The following NUMA1 variants were observed in gnomAD, a reference collection of about 807,000 sequenced individuals.
NUMA1 encodes the protein nuclear mitotic apparatus protein 1.
A neutral mutation model predicts 237.1 loss-of-function variants in NUMA1; 62 were observed. The ratio of observed to expected loss-of-function variants is 0.26; its 90% confidence interval spans 0.21 to 0.32. The LOEUF (loss-of-function observed/expected upper bound fraction) is 0.32, where lower values mean the gene tolerates loss of function less well. Ranked by LOEUF, NUMA1 falls within the 10% of genes least tolerant of loss-of-function variation. The probability of loss-of-function intolerance (pLI) is 1.00; values close to 1 mark genes in which losing one functional copy is unlikely to be tolerated. For synonymous variants in NUMA1, 1,028 were observed against 1,066.1 expected, an observed-to-expected ratio of 0.96 and a Z score of 0.70; for missense variants, 2,533 against 2,666.5, an observed-to-expected ratio of 0.95 and a Z score of 1.10.
intron 8 of NUMA1, chr11:72,020,881 T>A (rs1255948773): frequency 4.2e-5 from 8 of 191,132 alleles, no homozygotes; most frequent in Admixed American, 5.9e-5. Flanking sequence ...CAAAAAAAAA[T>A]AAAAATAAAA....
intron 6 of NUMA1, 134 bp downstream of exon 6, chr11:72,022,927 TCTAC>T (rs1304226855): frequency 1.6e-6 from 1 of 639,086 alleles, no homozygotes; most frequent in African/African-American, 1.8e-5. Flanking sequence ...GCTGCCTGGT[TCTAC>T]CTCCAACGTA....
intron 1 of NUMA1, among the ~76,000 whole-genome samples, chr11:72,079,959 T>C (rs897828082): frequency 1.3e-5 from 2 of 152,070 alleles, no homozygotes; most frequent in African/African-American, 4.8e-5. Context: ...AACCTCGCAC[T>C]GGCTACGTAA....
In NUMA1 at chr11:72,006,247, T is replaced by A. The variant is rs1431099273; in HGVS notation, c.5480A>T (p.Glu1827Val). 2.5e-6 allele frequency: 4 copies of A among 1,614,000 alleles called. No homozygotes were observed. In the Admixed American group the frequency reaches 6.7e-5, roughly 27 times the overall value. The change falls in exon 22 of 27, where the codon GAG becomes GTG. Residue 1827 changes from glutamate (E) to valine (V), a missense_variant. This residue lies in a region of NUMA1 where 795 missense variants were observed against 750.8 expected (regional missense o/e 1.06). Transcript: ENST00000393695. ...GAACGATGAGTTGGCGCTGTCTGGC[T>A]CTTCCACATCTAGCTTCTGGAAGAC... Reference protein sequence around the residue: ...ITMTKKLDVEEPDSANSSFYS... With the variant: ...ITMTKKLDVEVPDSANSSFYS...
chr11:72,003,490 GGGGACACAGGTGGGGCCACTCACT>G lies in NUMA1; in HGVS notation c.*13_*36del. The stretch of plus-strand genomic sequence containing the variant: ...CGGAGGACCAGGTGAGGTCAGCATC[GGGGACACAGGTGGGGCCACTCACT>G]GGTACTGGCCCTTTAGTGCTTTGCC... On this transcript the variant is annotated 3_prime_UTR_variant, in exon 27 of 27. Transcript: ENST00000393695. 1 of 1,608,970 alleles carries G rather than the reference GGGGACACAGGTGGGGCCACTCACT, an allele frequency of 6.2e-7. No homozygotes were observed. Among genetic ancestry groups the G allele is most frequent in the Non-Finnish European group, 8.5e-7 (1 of 1,175,292 alleles).
intron 13 of NUMA1, chr11:72,016,933 T>C (rs1937878167): frequency 5.5e-6 from 1 of 182,814 alleles, no homozygotes; most frequent in Non-Finnish European, 1.1e-5. Flanking sequence ...TTCACCACTG[T>C]TCACTAAGCA....
At chr11:72,007,692 G>A in intron 20 of NUMA1, 1 of 534,012 alleles carries the variant, frequency 1.9e-6, no homozygotes, top group South Asian at 2.2e-5. Flanking sequence ...AGATGCCCAT[G>A]GCTGCTTCAC....
chr11:72,077,153 A>G (rs1386086838), intron 1 of NUMA1, among the ~76,000 whole-genome samples: 1 of 152,198 alleles, frequency 6.6e-6, no homozygotes. Flanking sequence ...AGACGACAGA[A>G]TGAGGAAGTT....
intron 2 of NUMA1, among the ~76,000 whole-genome samples, chr11:72,054,903 C>T (rs755126394): frequency 2.6e-5 from 4 of 151,814 alleles, no homozygotes; most frequent in African/African-American, 4.8e-5. Flanking sequence ...GGGTGATGTA[C>T]GCATTTGCGA....
chr11:72,012,580 G>A, intron 15 of NUMA1, 138 bp from the exon 16 acceptor site: 1 of 867,056 alleles, frequency 1.2e-6, no homozygotes, highest in Non-Finnish European at 1.8e-6. Flanking sequence ...AAAAATGCCA[G>A]TTAGGCTGAT....
chr11:72,064,216 G>A (rs1043470485), intron 2 of NUMA1, among the ~76,000 whole-genome samples: 2 of 152,052 alleles, frequency 1.3e-5, no homozygotes, highest in Non-Finnish European at 1.5e-5. Context: ...CCAGCACTTT[G>A]GAAGGCTGAG....
At position 72,013,566 on chromosome 11, in the gene NUMA1, G is replaced by C; in HGVS notation, c.3937C>G (p.Gln1313Glu). The C allele has an allele frequency of 3.1e-6, 5 of 1,613,410 alleles. No homozygotes were observed. The highest frequency in any genetic ancestry group is 4.2e-6 in the Non-Finnish European group (5 of 1,180,014). The change falls in exon 15 of 27, where the codon CAG (glutamine) becomes GAG (glutamate). Residue 1313 changes from glutamine to glutamate, a missense_variant. Physicochemically the swap from Gln to Glu is conservative, Grantham distance 29. This residue lies in a region of NUMA1 where 324 missense variants were observed against 407.6 expected (regional missense o/e 0.79). Coordinates refer to ENST00000393695, the MANE Select transcript of NUMA1 (RefSeq NM_006185.4). This position sits in a 1 kb window ranked among gnomAD's most constrained non-coding sequence, Gnocchi z 6.8. ...CGCTCAGCCTGTGAGGTCAGCTCCT[G>C]CCGCAGGTTCTCTGAAGCCACCCGC... ...KQRVASENLR[Q>E]ELTSQAERAE... is the part of the protein sequence containing the mutation.
rs1271604660 is a variant in NUMA1, at chr11:72,013,842, C to G, written c.3661G>C (p.Glu1221Gln). Residue 1221 changes from glutamate to glutamine, a missense_variant, in exon 15 of 27, where the codon GAG becomes CAG. By Grantham distance (29) the Glu-to-Gln change is conservative. Coordinates refer to ENST00000393695, the MANE Select transcript of NUMA1 (RefSeq NM_006185.4). This position sits in a 1 kb window ranked among gnomAD's most constrained non-coding sequence, Gnocchi z 6.8. ...CTGCTGATGAGGCTATTTTTCCTCT[C>G]AGCCTCTTGCCGGCCCCGGGCCACC... is the stretch of plus-strand genomic sequence containing the variant. ...AQVARGRQEA[E>Q]RKNSLISSLE... The G allele has an allele frequency of 2.5e-6, 4 of 1,612,890 alleles. No homozygotes were observed. In the East Asian group the frequency reaches 8.9e-5, roughly 36 times the overall value.
At position 72,013,468 on chromosome 11, in the gene NUMA1, G is replaced by A. The variant is rs1470441162; in HGVS notation, c.4035C>T (p.Thr1345=). ...KFFQKEQALS[T]LQLEHTSTQA... is the part of the protein sequence containing the mutation. ...GTGTGCTGGTGTGCTCGAGCTGCAG[G>A]GTGGAGAGGGCCTGCTCTTTCTGGA... Residue 1345 remains threonine, a synonymous_variant, in exon 15 of 27, where the codon ACC becomes ACT. Coordinates refer to ENST00000393695, the MANE Select transcript of NUMA1 (RefSeq NM_006185.4). This position sits in a 1 kb window ranked among gnomAD's most constrained non-coding sequence, Gnocchi z 6.8. 1.2e-6 allele frequency: 2 copies of A among 1,613,334 alleles called. No individual in the cohort carries two copies. Among genetic ancestry groups the A allele is most frequent in the Admixed American group, 1.7e-5 (1 of 60,008 alleles).
At chr11:72,049,550 A>T (rs1355220163) in intron 2 of NUMA1, 460 of 12,508 alleles carry the variant, frequency 0.037, 26 homozygotes, top group African/African-American at 0.06. Context: ...CTAAAAAAAA[A>T]AATAATAATA....
intron 2 of NUMA1, chr11:72,066,525 A>G (rs960436200): frequency 6.6e-6 from 1 of 152,146 alleles, no homozygotes; most frequent in Non-Finnish European, 1.5e-5. Context: ...TTCCCCATAC[A>G]TGCCAGGCAT....
At position 72,007,269 on chromosome 11, in the gene NUMA1, C is replaced by T. The variant is rs61744204; in HGVS notation, c.5383G>A (p.Asp1795Asn). ...PLESSLDSLG[D>N]VFLDSGRKTR... ...TTACGACCCGAGTCCAGGAAGACGT[C>T]TCCCAGGGAGTCCAGGCTGCTCTCC... The change falls in exon 21 of 27, where the codon GAC (aspartate) becomes AAC (asparagine). Residue 1795 changes from aspartate (D) to asparagine (N), a missense_variant. Asp to Asn is a conservative substitution (Grantham distance 23). Coordinates refer to ENST00000393695, the MANE Select transcript of NUMA1 (RefSeq NM_006185.4). 0.013 allele frequency: 20,800 copies of T among 1,612,984 alleles called. 154 individuals carry two copies. The highest frequency in any genetic ancestry group is 0.015 in the Non-Finnish European group (17,711 of 1,179,540).
At position 72,023,584 on chromosome 11, in the gene NUMA1, C is replaced by T. The variant is rs140940504; in HGVS notation, c.209-437G>A. 2.0e-3 allele frequency among the ~76,000 whole-genome samples: 306 copies of T among 152,280 alleles called. 2 individuals carry two copies. The highest frequency in any genetic ancestry group is 7.0e-3 in the East Asian group (36 of 5,176). On this transcript the variant is annotated intron_variant, in intron 5 of 26. Coordinates refer to ENST00000393695, the MANE Select transcript of NUMA1 (RefSeq NM_006185.4). The stretch of plus-strand genomic sequence containing the variant: ...TGCCCGAGGGTCTGGGCTCAAATTA[C>T]TAACACCTTACTTTATCTAAATAAA...
At chr11:72,062,905 T>C (rs1943018958) in intron 2 of NUMA1, among the ~76,000 whole-genome samples, 1 of 151,612 alleles carries the variant, frequency 6.6e-6, no homozygotes, top group Admixed American at 6.6e-5. Flanking sequence ...AAACCCGTCT[T>C]AAAAAAATAC....
intron 1 of NUMA1, among the ~76,000 whole-genome samples, chr11:72,072,647 G>A (rs1325420585): frequency 1.3e-5 from 2 of 152,016 alleles, no homozygotes; most frequent in Admixed American, 6.5e-5. Context: ...TTATTACCGC[G>A]ACTGATTACC....
Sources: allele counts gnomAD v4.1 joint callset (sites outside exome capture counted in the v4.1 genomes callset), GRCh38; gene constraint gnomAD v4.1.1; regional missense constraint gnomAD v4.1.1; non-coding constraint Gnocchi (gnomAD v3.1); transcripts MANE v1.5; gene names NCBI Gene and HGNC (gene_info 2026-07-23, HGNC 2026-07-21).